CORO2B: variants seen among roughly 807,000 people sequenced by gnomAD.
CORO2B encodes coronin-2B.
Under a neutral mutation model 58.8 loss-of-function variants are expected in CORO2B, and 26 were observed. That is an observed-to-expected ratio of 0.44 (90% CI 0.32 to 0.61). The LOEUF (loss-of-function observed/expected upper bound fraction) is 0.61, where lower values mean the gene tolerates loss of function less well. Ranked by LOEUF, CORO2B falls within the 20% of genes least tolerant of loss-of-function variation. The probability of loss-of-function intolerance (pLI) is 0.04; values close to 1 mark genes in which losing one functional copy is unlikely to be tolerated. For missense variants in CORO2B, 460 were observed against 645.1 expected (o/e 0.71, Z 3.11); for synonymous variants, 242 against 253.8 (o/e 0.95, Z 0.44).
At position 68,724,161 on chromosome 15, in the gene CORO2B, C is replaced by T. The variant is rs141053357; in HGVS notation, c.1312-1682C>T. On this transcript the variant is annotated intron_variant, in intron 11 of 11. Transcript: ENST00000261861. Reference sequence around the variant, plus strand: ...AGGTTGCAGTGAGCCAAGATCGCGCCACTGCACTCCAGTCTGGGTGACAGA... The same window carrying T: ...AGGTTGCAGTGAGCCAAGATCGCGCTACTGCACTCCAGTCTGGGTGACAGA... Among the ~76,000 whole-genome samples, 39 of 152,292 alleles carry T rather than the reference C, an allele frequency of 2.6e-4. No individual in the cohort carries two copies. The East Asian group carries it at 6.8e-3, about 26-fold the overall frequency.
At chr15:68,574,000 G>C (rs1360231779), upstream of CORO2B, among the ~76,000 whole-genome samples, 2 of 152,130 alleles carry the variant, frequency 1.3e-5, no homozygotes, top group Non-Finnish European at 2.9e-5. Flanking sequence ...TGGTGAGATG[G>C]GAAGCCTGGG....
the CORO2B span, among the ~76,000 whole-genome samples, chr15:68,553,442 G>T: frequency 6.6e-6 from 1 of 152,148 alleles, no homozygotes; most frequent in Non-Finnish European, 1.5e-5. Context: ...ACAAGGAAGG[G>T]CCCAGAGCAA....
chr15:68,707,811 C>T lies in CORO2B; in HGVS notation c.334-2921C>T, dbSNP rs553401738. Reference sequence around the variant, plus strand: ...GGTGACTACTGAGTTATGTACTCGCCAGCTTGTTCCCCCTGCACCCTCTCA... The same window carrying T: ...GGTGACTACTGAGTTATGTACTCGCTAGCTTGTTCCCCCTGCACCCTCTCA... On this transcript the variant is annotated intron_variant, in intron 3 of 11. Coordinates refer to ENST00000261861, the MANE Select transcript of CORO2B (RefSeq NM_006091.5). Among the ~76,000 whole-genome samples, 22 of 152,240 alleles carry T rather than the reference C, an allele frequency of 1.4e-4. No individual in the cohort carries two copies. In the South Asian group the frequency reaches 4.4e-3, roughly 30 times the overall value.
At chr15:68,567,448 A>T in the CORO2B span, among the ~76,000 whole-genome samples, 96,155 of 152,002 alleles carry the variant, frequency 0.63, 31,890 homozygotes, top group East Asian at 0.87. Context: ...ATGTAGAGCT[A>T]GTGGAAGATA....
At chr15:68,622,823 G>T (rs1900565620) in intron 1 of CORO2B, among the ~76,000 whole-genome samples, 1 of 152,220 alleles carries the variant, frequency 6.6e-6, no homozygotes, top group Non-Finnish European at 1.5e-5. Flanking sequence ...CCCCTGTGAG[G>T]CAGGCAGAAG....
At chr15:68,607,187 A>G (rs1566983597) in intron 1 of CORO2B, among the ~76,000 whole-genome samples, 1 of 152,140 alleles carries the variant, frequency 6.6e-6, no homozygotes, top group Non-Finnish European at 1.5e-5. Context: ...GAAGACCTAA[A>G]TGACTAGGGT....
chr15:68,597,398 T>C (rs1278012526), intron 1 of CORO2B, among the ~76,000 whole-genome samples: 2 of 152,142 alleles, frequency 1.3e-5, no homozygotes, highest in Non-Finnish European at 2.9e-5. Context: ...ACCCTTTCAA[T>C]ACCTAGGAAG....
chr15:68,574,295 C>T (rs1428919040), upstream of CORO2B, among the ~76,000 whole-genome samples: 2 of 152,200 alleles, frequency 1.3e-5, no homozygotes, highest in African/African-American at 4.8e-5. Flanking sequence ...GGCATGCCGC[C>T]TGGGGTGGCA....
chr15:68,526,182 C>T, the CORO2B span, among the ~76,000 whole-genome samples: 2 of 152,140 alleles, frequency 1.3e-5, no homozygotes, highest in Non-Finnish European at 2.9e-5. Flanking sequence ...TATGCATGTA[C>T]ATTTTGGTTG....
the CORO2B span, among the ~76,000 whole-genome samples, chr15:68,548,724 A>G: frequency 6.6e-6 from 1 of 152,226 alleles, no homozygotes; most frequent in Non-Finnish European, 1.5e-5. Flanking sequence ...CTTTCCTGAT[A>G]CTCAATACTT....
chr15:68,552,642 A>G, the CORO2B span, among the ~76,000 whole-genome samples: 1,603 of 152,132 alleles, frequency 0.011, 30 homozygotes, highest in African/African-American at 0.036. Context: ...TGCCTCCTGC[A>G]CACACTGGAG....
the CORO2B span, among the ~76,000 whole-genome samples, chr15:68,528,891 A>G: frequency 3.9e-5 from 6 of 152,336 alleles, no homozygotes; most frequent in South Asian, 1.2e-3. Flanking sequence ...AAATTTTAGC[A>G]GAAACAAAAC....
At chr15:68,703,451 C>T (rs1217216566) in intron 3 of CORO2B, among the ~76,000 whole-genome samples, 4 of 152,100 alleles carry the variant, frequency 2.6e-5, no homozygotes, top group Admixed American at 1.3e-4. Flanking sequence ...TCGCCCAGCC[C>T]AGAAACCATA....
chr15:68,697,210 ATTGT>A (rs1452944450), intron 3 of CORO2B, among the ~76,000 whole-genome samples: 1 of 150,318 alleles, frequency 6.7e-6, no homozygotes, highest in African/African-American at 2.5e-5. Flanking sequence ...GGATGGATGG[ATTGT>A]TGGATGGATG....
At chr15:68,537,599 T>A in the CORO2B span, among the ~76,000 whole-genome samples, 1 of 152,110 alleles carries the variant, frequency 6.6e-6, no homozygotes, top group Non-Finnish European at 1.5e-5. Context: ...GTCACCTAGG[T>A]ATTAAGCCCA....
At chr15:68,608,456 C>G (rs1417812362) in intron 1 of CORO2B, among the ~76,000 whole-genome samples, 1 of 152,244 alleles carries the variant, frequency 6.6e-6, no homozygotes, top group East Asian at 1.9e-4. Flanking sequence ...CACTGACTGG[C>G]TGGGAGCCCA....
the CORO2B span, among the ~76,000 whole-genome samples, chr15:68,545,609 G>GGGT: frequency 2.3e-5 from 3 of 130,042 alleles, no homozygotes; most frequent in Admixed American, 8.3e-5. Context: ...GGAATGCGGG[G>GGGT]GGCGGGGGGG....
At chr15:68,605,316 C>T (rs368354157) in intron 1 of CORO2B, among the ~76,000 whole-genome samples, 1 of 152,134 alleles carries the variant, frequency 6.6e-6, no homozygotes, top group East Asian at 1.9e-4. Context: ...ATCCTGTGAC[C>T]TAGTAATCCC....
At chr15:68,596,133 T>C (rs1047432383) in intron 1 of CORO2B, among the ~76,000 whole-genome samples, 3 of 152,030 alleles carry the variant, frequency 2.0e-5, no homozygotes, top group African/African-American at 7.2e-5. Flanking sequence ...AAGAGCCTTT[T>C]AGTAGTAAAG....
Sources: gnomAD v4.1 joint callset for allele counts (sites outside exome capture counted in the v4.1 genomes callset) on GRCh38, gnomAD v4.1.1 for gene constraint, MANE v1.5 for transcripts, NCBI Gene and HGNC (gene_info 2026-07-23, HGNC 2026-07-21) for gene names.